Variants in RLN2 observed in about 807,000 individuals in gnomAD.
RLN2 encodes prorelaxin H2.
In RLN2, 10 loss-of-function variants were observed where a neutral mutation model predicts 7.3. The observed-to-expected ratio is 1.36, with a 90% CI of 0.84 to 2.31. RLN2 has a LOEUF of 2.31. Ranked by LOEUF, RLN2 falls within the 30% of genes most tolerant of loss-of-function variation. The pLI is 0.00. For missense variants in RLN2, 298 were observed against 217.6 expected (o/e 1.37, Z -2.32); for synonymous variants, 103 against 82.3 (o/e 1.25, Z -1.36).
chr9:5,331,687 G>A, the RLN2 span, among the ~76,000 whole-genome samples: 1 of 151,822 alleles, frequency 6.6e-6, no homozygotes, highest in South Asian at 2.1e-4. Flanking sequence ...GGCTGTGGGA[G>A]GGATAGCATT....
At chr9:5,327,779 G>C in the RLN2 span, among the ~76,000 whole-genome samples, 2 of 152,050 alleles carry the variant, frequency 1.3e-5, no homozygotes, top group Non-Finnish European at 2.9e-5. Context: ...AGGTTCTAGA[G>C]TGGACTTCTG....
At chr9:5,335,229 G>C in the RLN2 span, 10 of 1,454,948 alleles carry the variant, frequency 6.9e-6, no homozygotes, top group Admixed American at 2.1e-4. Flanking sequence ...AATTAGACAA[G>C]ATGTGCACAA....
chr9:5,322,785 G>T, the RLN2 span, among the ~76,000 whole-genome samples: 1 of 151,912 alleles, frequency 6.6e-6, no homozygotes, highest in Non-Finnish European at 1.5e-5. Context: ...ATTATATCAT[G>T]TTTAAAGACT....
At chr9:5,330,385 T>C in the RLN2 span, among the ~76,000 whole-genome samples, 1 of 151,928 alleles carries the variant, frequency 6.6e-6, no homozygotes, top group East Asian at 1.9e-4. Context: ...ACGCCTGTCA[T>C]CCCAGCACTT....
chr9:5,319,296 C>G, the RLN2 span, among the ~76,000 whole-genome samples: 1 of 151,796 alleles, frequency 6.6e-6, no homozygotes, highest in South Asian at 2.1e-4. Flanking sequence ...TGAGGGTGAG[C>G]AGGGAAGGCA....
At chr9:5,304,746 G>C, upstream of RLN2, 1 of 674,314 alleles carries the variant, frequency 1.5e-6, no homozygotes, top group Non-Finnish European at 2.6e-6. Context: ...CAGCTTTTAA[G>C]GCAAGGGTGC....
chr9:5,304,716 G>A lies in RLN2; in HGVS notation c.-136C>T, dbSNP rs1357150017. 5 of 832,558 alleles carry A rather than the reference G, an allele frequency of 6.0e-6. No individual in the cohort carries two copies. The Admixed American group carries it at 1.2e-4, about 20-fold the overall frequency. 51.6% of individuals were successfully genotyped at this position (832,558 alleles called of 1,614,324 possible). On this transcript the variant is annotated 5_prime_UTR_variant, in exon 1 of 2. Coordinates refer to ENST00000381627, the MANE Select transcript of RLN2 (RefSeq NM_134441.3). The stretch of plus-strand genomic sequence containing the variant: ...CCCTACCCGGCTCAAGCGGTCTTTT[G>A]TATCCCTTGGGCTATCACTCAGCTT...
At chr9:5,338,114 T>A in the RLN2 span, among the ~76,000 whole-genome samples, 1 of 136,404 alleles carries the variant, frequency 7.3e-6, no homozygotes, top group African/African-American at 2.8e-5. Flanking sequence ...CACATATACT[T>A]TTCAAAGTCC....
the RLN2 span, among the ~76,000 whole-genome samples, chr9:5,329,727 G>A: frequency 6.6e-6 from 1 of 151,962 alleles, no homozygotes; most frequent in East Asian, 1.9e-4. Context: ...AAATATATAT[G>A]GACCCAATAC....
the RLN2 span, among the ~76,000 whole-genome samples, chr9:5,330,351 T>C: frequency 6.6e-6 from 1 of 151,832 alleles, no homozygotes; most frequent in African/African-American, 2.4e-5. Context: ...TTAAAAGAAT[T>C]AGAGAGGCCG....
the RLN2 span, among the ~76,000 whole-genome samples, chr9:5,321,545 G>A: frequency 1.3e-5 from 2 of 151,704 alleles, no homozygotes; most frequent in African/African-American, 4.9e-5. Context: ...AATCACCTTA[G>A]ATAAGTGTTA....
At position 5,304,707 on chromosome 9, in the gene RLN2, C is replaced by G. The variant is rs537970949; in HGVS notation, c.-127G>C. The G allele has an allele frequency of 2.1e-4, 201 of 942,036 alleles. 3 individuals are homozygous for G. In the Middle Eastern group the frequency reaches 2.9e-3, roughly 14 times the overall value. 58.4% of individuals were successfully genotyped at this position (942,036 alleles called of 1,614,324 possible). ...GGCTGCTTTCCCTACCCGGCTCAAGCGGTCTTTTGTATCCCTTGGGCTATC... is the reference window on the plus strand; with the variant it reads ...GGCTGCTTTCCCTACCCGGCTCAAGGGGTCTTTTGTATCCCTTGGGCTATC... On this transcript the variant is annotated 5_prime_UTR_variant, in exon 1 of 2. Coordinates refer to ENST00000381627, the MANE Select transcript of RLN2 (RefSeq NM_134441.3).
At chr9:5,306,102 G>GGTTTTTTTTT (rs1554618110), upstream of RLN2, among the ~76,000 whole-genome samples, 1 of 123,436 alleles carries the variant, frequency 8.1e-6, no homozygotes, top group African/African-American at 3.3e-5. Flanking sequence ...CTTTGTTTTT[G>GGTTTTTTTTT]TTTTTTGTTT....
chr9:5,302,671 T>C (rs1422564436), intron 1 of RLN2, among the ~76,000 whole-genome samples: 1 of 152,230 alleles, frequency 6.6e-6, no homozygotes, highest in Admixed American at 6.5e-5. Context: ...CATATCTATA[T>C]ACAAATGTGC....
chr9:5,331,135 C>G, the RLN2 span, among the ~76,000 whole-genome samples: 2 of 151,960 alleles, frequency 1.3e-5, no homozygotes, highest in African/African-American at 4.8e-5. Flanking sequence ...ATGTCCAGGA[C>G]CAGATGGATT....
upstream of RLN2, among the ~76,000 whole-genome samples, chr9:5,305,644 A>C (rs774534820): frequency 3.9e-5 from 6 of 152,010 alleles, no homozygotes; most frequent in African/African-American, 7.3e-5. Flanking sequence ...TTTTTAGTAC[A>C]AGTAGGTTCA....
the RLN2 span, among the ~76,000 whole-genome samples, chr9:5,325,595 A>G: frequency 2.0e-5 from 3 of 152,062 alleles, no homozygotes; most frequent in Admixed American, 6.5e-5. Flanking sequence ...TTCACAGATG[A>G]ACAGGAAGAC....
chr9:5,308,751 C>T (rs1182777216), upstream of RLN2, among the ~76,000 whole-genome samples: 1 of 152,124 alleles, frequency 6.6e-6, no homozygotes, highest in Non-Finnish European at 1.5e-5. Flanking sequence ...AGTTTCCTCC[C>T]TCACTCTGCT....
chr9:5,326,919 C>T, the RLN2 span, among the ~76,000 whole-genome samples: 1 of 151,898 alleles, frequency 6.6e-6, no homozygotes, highest in Admixed American at 6.6e-5. Flanking sequence ...AAATAAAAAA[C>T]TGGTCACTTC....
Sources: allele counts gnomAD v4.1 joint callset (sites outside exome capture counted in the v4.1 genomes callset), GRCh38; gene constraint gnomAD v4.1.1; transcripts MANE v1.5; gene names NCBI Gene and HGNC (gene_info 2026-07-23, HGNC 2026-07-21).